Variants in DMD observed in about 807,000 individuals in gnomAD.
DMD encodes mutant dystrophin.
DMD carries 63 observed loss-of-function variants against 330.1 expected under a neutral mutation model. The observed-to-expected ratio is 0.19, with a 90% CI of 0.16 to 0.24. The LOEUF (loss-of-function observed/expected upper bound fraction) is 0.24. Among genes scored for constraint, DMD ranks in the 10% least tolerant of loss-of-function variants. The pLI, the probability that DMD is intolerant of heterozygous loss-of-function variation, is 1.00. For missense variants in DMD, 3,344 were observed against 2,684.1 expected (o/e 1.25, Z -5.43); for synonymous variants, 1,223 against 959.8 (o/e 1.27, Z -5.07).
rs142015179 is a variant in DMD, at chrX:31,371,049, T to C, written c.9085-22415A>G. Among the ~76,000 whole-genome samples, 1,009 of 111,412 alleles carry C rather than the reference T, an allele frequency of 9.1e-3. 11 individuals are homozygous for C. The highest frequency in any genetic ancestry group is 0.031 in the African/African-American group (954 of 30,649). On this transcript the variant is annotated intron_variant, in intron 60 of 78. Coordinates refer to ENST00000357033, the MANE Select transcript of DMD (RefSeq NM_004006.3). ...GGGGGGGCAGGGAAGTGGGTGTGGCTATAAAAGGCCAATAGGAGGGATCTT... is the reference window on the plus strand; with the variant it reads ...GGGGGGGCAGGGAAGTGGGTGTGGCCATAAAAGGCCAATAGGAGGGATCTT...
At chrX:33,092,567 A>AG (rs1272254113) in intron 1 of DMD, among the ~76,000 whole-genome samples, 1 of 111,208 alleles carries the variant, frequency 9.0e-6, no homozygotes. Flanking sequence ...TTTGGCTTCT[A>AG]GGGGTCCCAG....
At chrX:33,229,365 TAA>T (rs1305230124) in intron 1 of DMD, among the ~76,000 whole-genome samples, 1 of 111,387 alleles carries the variant, frequency 9.0e-6, no homozygotes, top group African/African-American at 3.3e-5. Flanking sequence ...TAATTTTGCA[TAA>T]GACTTAAGTT....
At chrX:32,821,277 C>A (rs971419809) in intron 5 of DMD, among the ~76,000 whole-genome samples, 22 of 111,438 alleles carry the variant, frequency 2.0e-4, no homozygotes, top group African/African-American at 6.5e-4. Flanking sequence ...TGAGCAAGAG[C>A]AATCTACAAT....
intron 33 of DMD, among the ~76,000 whole-genome samples, chrX:32,381,945 C>A (rs1000171309): frequency 4.1e-4 from 45 of 110,839 alleles, no homozygotes; most frequent in Middle Eastern, 4.7e-3. Context: ...TTTGGCAGAA[C>A]ACCTCATTTT....
intron 41 of DMD, 75 bp from the exon 42 acceptor site, chrX:32,310,351 G>C (rs751289736): frequency 2.0e-5 from 17 of 834,023 alleles, no homozygotes; most frequent in Non-Finnish European, 2.8e-5. Flanking sequence ...GTTTATATAG[G>C]TCTCATTCTA....
Position 32,438,252 on chromosome X carries a change from G to C in DMD, c.4060C>G (p.Leu1354Val). ...LETFNSRWRE[L>V]HEEAVRRQKL... The stretch of plus-strand genomic sequence containing the variant: ...ACTTATCTTCATACCTCTTCATGTA[G>C]TTCCCTCCAACGAGAATTAAATGTC... The change falls in exon 29 of 79, where the codon CTA becomes GTA. Residue 1354 changes from leucine to valine, a missense_variant. Physicochemically the swap from Leu to Val is conservative, Grantham distance 32 (BLOSUM62 1). Transcript: ENST00000357033. The C allele has an allele frequency of 8.3e-7, 1 of 1,210,932 alleles. No individual in the cohort carries two copies. The highest frequency in any genetic ancestry group is 1.1e-6 in the Non-Finnish European group (1 of 895,067).
At chrX:31,325,281 C>T (rs2056699016) in intron 61 of DMD, among the ~76,000 whole-genome samples, 1 of 109,819 alleles carries the variant, frequency 9.1e-6, no homozygotes, top group Non-Finnish European at 1.9e-5. Flanking sequence ...AATAAGTTCA[C>T]AGAGTAAATA....
intron 44 of DMD, among the ~76,000 whole-genome samples, chrX:32,186,436 T>C (rs2096947843): frequency 9.0e-6 from 1 of 111,645 alleles, no homozygotes; most frequent in Non-Finnish European, 1.9e-5. Context: ...CCTTTGAATT[T>C]ATAGATAAAG....
chrX:33,037,903 C>A (rs926373422), intron 1 of DMD, among the ~76,000 whole-genome samples: 2 of 111,652 alleles, frequency 1.8e-5, no homozygotes, highest in Non-Finnish European at 3.8e-5. Context: ...TTAACATCAT[C>A]AATAAAATCA....
At chrX:32,138,490 C>T (rs894938601) in intron 44 of DMD, among the ~76,000 whole-genome samples, 1 of 112,126 alleles carries the variant, frequency 8.9e-6, no homozygotes, top group African/African-American at 3.2e-5. Context: ...AGTTGCTCTA[C>T]TTGCATGTGA....
chrX:32,885,056 G>C (rs184561639), intron 2 of DMD, among the ~76,000 whole-genome samples: 7 of 111,788 alleles, frequency 6.3e-5, no homozygotes, highest in African/African-American at 2.3e-4. Context: ...AGGGATCCTA[G>C]CCTAGCACCA....
intron 47 of DMD, among the ~76,000 whole-genome samples, chrX:31,892,128 C>T (rs2094262389): frequency 8.9e-6 from 1 of 111,925 alleles, no homozygotes; most frequent in South Asian, 3.7e-4. Flanking sequence ...TTGAATATTT[C>T]AAGTGGTAGA....
At chrX:32,350,282 A>C (rs1440478882) in intron 37 of DMD, among the ~76,000 whole-genome samples, 1 of 110,957 alleles carries the variant, frequency 9.0e-6, no homozygotes, top group Non-Finnish European at 1.9e-5. Flanking sequence ...ATGCCTTCCA[A>C]GTCTTCACCC....
At chrX:32,419,510 G>T (rs778250670) in intron 29 of DMD, among the ~76,000 whole-genome samples, 1 of 111,892 alleles carries the variant, frequency 8.9e-6, no homozygotes, top group Non-Finnish European at 1.9e-5. Flanking sequence ...AGGGATATAG[G>T]CGGTAAATAA....
chrX:31,481,106 A>G lies in DMD; in HGVS notation c.8548-2003T>C, dbSNP rs763135279. On this transcript the variant is annotated intron_variant, in intron 57 of 78. Transcript: ENST00000357033. ...GGCCAGTGTTTCTAGAGCATAAAGA[A>G]CAAGGAGAGGGCATGTCCAAAGATG... Among the ~76,000 whole-genome samples, 84 of 112,337 alleles carry G rather than the reference A, an allele frequency of 7.5e-4. 1 individual carries two copies. Among genetic ancestry groups the G allele is most frequent in the Non-Finnish European group, 1.3e-4 (7 of 53,233 alleles).
intron 6 of DMD, 73 bp from the exon 7 acceptor site, chrX:32,809,684 T>G (rs1054644761): frequency 1.1e-6 from 1 of 911,106 alleles, no homozygotes; most frequent in Non-Finnish European, 1.6e-6. Flanking sequence ...TGAGATTTAC[T>G]TCCATGCTTA....
At chrX:33,188,428 T>C (rs924653201) in intron 1 of DMD, among the ~76,000 whole-genome samples, 1 of 110,779 alleles carries the variant, frequency 9.0e-6, no homozygotes, top group African/African-American at 3.3e-5. Context: ...GGTTACCAGT[T>C]GCTATTGTAC....
chrX:31,951,159 G>GTATATATATATA lies in DMD; in HGVS notation c.6614+17168_6614+17179dup, dbSNP rs747836033. ...TATATATGTGTATATATATATATAT[G>GTATATATATATA]TATATATATATATATGTATATATAT... On this transcript the variant is annotated intron_variant, in intron 45 of 78. Coordinates refer to ENST00000357033, the MANE Select transcript of DMD (RefSeq NM_004006.3). Among the ~76,000 whole-genome samples, 637 of 71,648 alleles carry GTATATATATATA rather than the reference G, an allele frequency of 8.9e-3. 22 individuals carry two copies. The highest frequency in any genetic ancestry group is 0.032 in the African/African-American group (579 of 17,909). The allele number at this position is 71,648 out of a possible 115,157, so 62.2% of individuals were successfully genotyped here. A position where few individuals can be genotyped will look rare whatever the true frequency, so the allele number is the denominator to read the frequency against.
intron 1 of DMD, among the ~76,000 whole-genome samples, chrX:33,266,109 C>T (rs116425849): frequency 0.039 from 4,341 of 111,245 alleles, 217 homozygotes; most frequent in African/African-American, 0.13. Context: ...TTAAATCAGC[C>T]TTGGCCTCCC....
Sources: allele counts gnomAD v4.1 joint callset (sites outside exome capture counted in the v4.1 genomes callset), GRCh38; gene constraint gnomAD v4.1.1; transcripts MANE v1.5; gene names NCBI Gene and HGNC (gene_info 2026-07-23, HGNC 2026-07-21).